The following RNASE11 variants were observed in gnomAD, a reference collection of about 807,000 sequenced individuals.
RNASE11 encodes the protein ribonuclease A family member 11 (inactive).
For missense variants in RNASE11, 252 were observed against 237.8 expected, an observed-to-expected ratio of 1.06 and a Z score of -0.39; for synonymous variants, 105 against 86.1, an observed-to-expected ratio of 1.22 and a Z score of -1.21.
At chr14:20,590,102 T>C, upstream of RNASE11, 5 of 1,217,362 alleles carry the variant, frequency 4.1e-6, no homozygotes, top group South Asian at 3.4e-5. Flanking sequence ...AAGATTATTT[T>C]ATTGAAGCAG....
intron 1 of RNASE11, chr14:20,584,967 A>G (rs1372834220): frequency 3.3e-6 from 2 of 612,612 alleles, no homozygotes; most frequent in Non-Finnish European, 2.0e-6. Context: ...ACACATTGCC[A>G]TTTCCCCATC....
chr14:20,584,426 C>T (rs1396924467), exon 2 of RNASE11: 3 of 1,612,544 alleles, frequency 1.9e-6, no homozygotes, highest in Non-Finnish European at 2.5e-6. Context: ...TCTGATGCTT[C>T]TGCAAGAACC....
chr14:20,585,902 A>G (rs915403448), intron 1 of RNASE11, among the ~76,000 whole-genome samples: 1 of 152,214 alleles, frequency 6.6e-6, no homozygotes, highest in African/African-American at 2.4e-5. Flanking sequence ...TCTCTTTAGA[A>G]TGATTCTATT....
chr14:20,590,215 C>G (rs745802641), upstream of RNASE11: 10 of 1,580,384 alleles, frequency 6.3e-6, no homozygotes, highest in East Asian at 2.2e-4. Context: ...CCAGGTCTGC[C>G]TCAGGCACAG....
chr14:20,585,605 GTA>G (rs1210710470), intron 1 of RNASE11, among the ~76,000 whole-genome samples: 2 of 152,128 alleles, frequency 1.3e-5, no homozygotes, highest in Admixed American at 1.3e-4. Flanking sequence ...CCTCCAGTTA[GTA>G]TAAATAATCA....
intron 1 of RNASE11, among the ~76,000 whole-genome samples, 165 bp downstream of exon 2, chr14:20,587,398 A>T (rs1884457994): frequency 6.6e-6 from 1 of 152,164 alleles, no homozygotes. Context: ...AAAGCACTGA[A>T]AAGGAAAGAA....
intron 1 of RNASE11, among the ~76,000 whole-genome samples, 192 bp from the exon 3 acceptor site, chr14:20,584,688 T>C (rs1415194883): frequency 6.6e-6 from 1 of 152,198 alleles, no homozygotes; most frequent in Non-Finnish European, 1.5e-5. Context: ...ATTCCTGCTT[T>C]TCTGCTTATA....
At chr14:20,584,719 C>G (rs1884398489) in intron 1 of RNASE11, among the ~76,000 whole-genome samples, 1 of 152,176 alleles carries the variant, frequency 6.6e-6, no homozygotes, top group African/African-American at 2.4e-5. Flanking sequence ...CCTTATTTAA[C>G]TCCAGTTTCC....
upstream of RNASE11, among the ~76,000 whole-genome samples, chr14:20,589,373 C>T (rs976652444): frequency 6.6e-6 from 1 of 151,688 alleles, no homozygotes; most frequent in East Asian, 2.0e-4. Flanking sequence ...CTTGCCTCAG[C>T]CTCCGGAGTA....
chr14:20,585,057 G>A, intron 1 of RNASE11: 3 of 985,120 alleles, frequency 3.0e-6, no homozygotes, highest in Non-Finnish European at 3.6e-6. Flanking sequence ...TCCTGTAGAG[G>A]AAGATTCCAC....
At chr14:20,583,179 C>T (rs1884342601), downstream of RNASE11, 1 of 152,294 alleles carries the variant, frequency 6.6e-6, no homozygotes, top group South Asian at 2.1e-4. Context: ...CTCTATTCTT[C>T]CATGGCTTGC....
exon 2 of RNASE11, chr14:20,584,217 G>C (rs369660731): frequency 6.2e-7 from 1 of 1,614,024 alleles, no homozygotes; most frequent in Non-Finnish European, 8.5e-7. Flanking sequence ...TGTTTCCCTT[G>C]GGGTCATTAT....
At chr14:20,590,060 AAC>A (rs1370215659), upstream of RNASE11, 2 of 893,604 alleles carry the variant, frequency 2.2e-6, no homozygotes, top group African/African-American at 3.3e-5. Context: ...AAAAAATGGA[AAC>A]ACATGTAGAA....
chr14:20,585,619 G>A (rs1884418635), intron 1 of RNASE11, among the ~76,000 whole-genome samples: 1 of 152,152 alleles, frequency 6.6e-6, no homozygotes, highest in South Asian at 2.1e-4. Flanking sequence ...AAATAATCAA[G>A]AGTTTACTAT....
At chr14:20,583,272 C>T (rs1286890615), downstream of RNASE11, 1 of 152,240 alleles carries the variant, frequency 6.6e-6, no homozygotes, top group Non-Finnish European at 1.5e-5. Context: ...TTACAGCAAC[C>T]TGTGAAATAG....
upstream of RNASE11, among the ~76,000 whole-genome samples, chr14:20,589,080 C>A (rs542797313): frequency 3.9e-5 from 6 of 152,220 alleles, no homozygotes; most frequent in Non-Finnish European, 5.9e-5. Flanking sequence ...AGCCACCACG[C>A]CTGGCCAGAA....
chr14:20,583,527 A>C (rs1011082758), downstream of RNASE11: 3 of 230,794 alleles, frequency 1.3e-5, no homozygotes, highest in Non-Finnish European at 2.6e-5. Flanking sequence ...TTAGCTTTTC[A>C]TTGTCCATAT....
At chr14:20,588,133 T>C (rs1884474238), upstream of RNASE11, 1 of 152,242 alleles carries the variant, frequency 6.6e-6, no homozygotes, top group Non-Finnish European at 1.5e-5. Flanking sequence ...ATGGCTATAA[T>C]ATAGCCATTT....
chr14:20,587,689 A>G, exon 1 of RNASE11: 1 of 985,376 alleles, frequency 1.0e-6, no homozygotes, highest in Non-Finnish European at 1.2e-6. Context: ...TCAGCTGAAA[A>G]ACGGCCACCT....
Sources: allele counts gnomAD v4.1 joint callset (sites outside exome capture counted in the v4.1 genomes callset), GRCh38; gene constraint gnomAD v4.1.1; transcripts MANE v1.5; gene names NCBI Gene and HGNC (gene_info 2026-07-23, HGNC 2026-07-21).